RPA1: variants seen among roughly 807,000 people sequenced by gnomAD.
RPA1 encodes the protein replication protein A 70 kDa DNA-binding subunit.
A neutral mutation model predicts 83.0 loss-of-function variants in RPA1; 49 were observed. That is an observed-to-expected ratio of 0.59 (90% CI 0.47 to 0.75). The LOEUF is 0.75. RPA1 is among the 30% of genes least tolerant of loss of function. The pLI, the probability that RPA1 is intolerant of heterozygous loss-of-function variation, is 0.00. For synonymous variants in RPA1, 279 were observed against 281.8 expected (o/e 0.99, Z 0.10); for missense variants, 693 against 776.1 (o/e 0.89, Z 1.27).
chr17:1,863,883 T>A (rs889825209), intron 5 of RPA1, among the ~76,000 whole-genome samples: 1 of 152,212 alleles, frequency 6.6e-6, no homozygotes, highest in African/African-American at 2.4e-5. Flanking sequence ...CAATCATGAA[T>A]ATTTGGAAAA....
Position 1,833,370 on chromosome 17 carries a change from G to A in RPA1, c.33+3244G>A, listed in dbSNP as rs529206471. Among the ~76,000 whole-genome samples, 4 of 152,346 alleles carry A rather than the reference G, an allele frequency of 2.6e-5. No homozygotes were observed. The South Asian group carries it at 6.2e-4, about 24-fold the overall frequency. ...GTTGCATGAATGAATGAGGCAGTGG[G>A]AAGAAAGGGACAGGTGAATGGGGAA... On this transcript the variant is annotated intron_variant, in intron 1 of 16. Coordinates refer to ENST00000254719, the MANE Select transcript of RPA1 (RefSeq NM_002945.5).
intron 5 of RPA1, among the ~76,000 whole-genome samples, chr17:1,868,696 G>T (rs1011434402): frequency 6.6e-6 from 1 of 152,014 alleles, no homozygotes; most frequent in African/African-American, 2.4e-5. Context: ...TTGAGATCGC[G>T]CCACTGCCCT....
intron 5 of RPA1, among the ~76,000 whole-genome samples, chr17:1,853,957 C>G (rs1912595157): frequency 6.6e-6 from 1 of 152,132 alleles, no homozygotes; most frequent in Non-Finnish European, 1.5e-5. Context: ...CATGTTTGTT[C>G]TAGTGCCTAA....
intron 1 of RPA1, 96 bp downstream of exon 1, chr17:1,830,222 G>T (rs1265856845): frequency 3.6e-5 from 36 of 1,007,610 alleles, no homozygotes; most frequent in Non-Finnish European, 4.3e-5. Flanking sequence ...GGGCGACGGG[G>T]GATGAACGCG....
intron 5 of RPA1, among the ~76,000 whole-genome samples, chr17:1,861,579 A>G (rs772627741): frequency 3.3e-5 from 5 of 152,244 alleles, no homozygotes; most frequent in Admixed American, 1.3e-4. Context: ...GTCTAGAGAC[A>G]GTCTGTTTCA....
chr17:1,890,617 C>T (rs898053365), intron 14 of RPA1, among the ~76,000 whole-genome samples: 3 of 152,188 alleles, frequency 2.0e-5, no homozygotes, highest in South Asian at 2.1e-4. Context: ...GAGCCACGAT[C>T]GCGCCACTGC....
intron 5 of RPA1, chr17:1,857,989 T>C (rs879339811): frequency 1.3e-6 from 2 of 1,594,218 alleles, no homozygotes. Context: ...AACAGAAAGA[T>C]GGGTGAATGT....
At chr17:1,856,263 A>T (rs1311278982) in intron 5 of RPA1, among the ~76,000 whole-genome samples, 1 of 151,808 alleles carries the variant, frequency 6.6e-6, no homozygotes. Flanking sequence ...AGATGGCACC[A>T]GTGCACTCTA....
At chr17:1,864,112 A>G (rs1243046545) in intron 5 of RPA1, among the ~76,000 whole-genome samples, 2 of 152,246 alleles carry the variant, frequency 1.3e-5, no homozygotes, top group Non-Finnish European at 2.9e-5. Flanking sequence ...ATGATTTCTC[A>G]GTAGGAAGCT....
chr17:1,859,333 T>C (rs1248738236), intron 5 of RPA1, among the ~76,000 whole-genome samples: 2 of 152,222 alleles, frequency 1.3e-5, no homozygotes, highest in African/African-American at 2.4e-5. Flanking sequence ...AATTGTGTTA[T>C]TCAGTTTTTC....
At chr17:1,831,491 C>T (rs568219904) in intron 1 of RPA1, among the ~76,000 whole-genome samples, 1 of 152,220 alleles carries the variant, frequency 6.6e-6, no homozygotes, top group East Asian at 1.9e-4. Flanking sequence ...CCACCATTCC[C>T]ATCCACAGCA....
intron 16 of RPA1, among the ~76,000 whole-genome samples, chr17:1,895,659 G>GTATTTATTTATTTATTTATT (rs1555596983): frequency 7.1e-6 from 1 of 141,752 alleles, no homozygotes; most frequent in Non-Finnish European, 1.5e-5. Flanking sequence ...ATACCATATA[G>GTATTTATTTATTTATTTATT]TATTTATTTA....
chr17:1,879,754 T>C, intron 11 of RPA1, 55 bp downstream of exon 11: 1 of 1,607,150 alleles, frequency 6.2e-7, no homozygotes. Flanking sequence ...GGTTGGGGCG[T>C]GGTCTTGTCC....
intron 7 of RPA1, 125 bp downstream of exon 7, chr17:1,875,918 T>TAAA: frequency 1.0e-6 from 1 of 962,016 alleles, no homozygotes. Context: ...AGAATGGGTT[T>TAAA]ACTCTTTTTT....
Position 1,879,673 on chromosome 17 carries a change from G to C in RPA1, c.1066G>C (p.Val356Leu). The change falls in exon 11 of 17, where the codon GTG becomes CTG. Residue 356 changes from valine to leucine, a missense_variant. Transcript: ENST00000254719. ...CTTGATGGACACATCCGGGAAGGTG[G>C]TGACTGCTACACTGTGGGGGGAAGA... ...IYLMDTSGKVVTATLWGEDAD... is the reference protein window; with the variant it reads ...IYLMDTSGKVLTATLWGEDAD... 2 of 1,614,238 alleles carry C rather than the reference G, an allele frequency of 1.2e-6. No individual in the cohort carries two copies. The highest frequency in any genetic ancestry group is 4.5e-5 in the East Asian group (2 of 44,896).
Position 1,876,297 on chromosome 17 carries a change from G to A in RPA1, c.587+504G>A, listed in dbSNP as rs1397778427. 2.6e-5 allele frequency among the ~76,000 whole-genome samples: 4 copies of A among 152,170 alleles called. 1 individual carries two copies. The highest frequency in any genetic ancestry group is 4.1e-4 in the South Asian group (2 of 4,826). ...AAGCCGGGCGCGGTGGCTCATGCCCGTAATCCCCGCACTTTAGGAGGCTGA... is the reference window on the plus strand; with the variant it reads ...AAGCCGGGCGCGGTGGCTCATGCCCATAATCCCCGCACTTTAGGAGGCTGA... On this transcript the variant is annotated intron_variant, in intron 7 of 16. Coordinates refer to ENST00000254719, the MANE Select transcript of RPA1 (RefSeq NM_002945.5).
intron 4 of RPA1, among the ~76,000 whole-genome samples, chr17:1,849,867 G>T (rs1379464218): frequency 6.6e-6 from 1 of 152,012 alleles, no homozygotes; most frequent in Non-Finnish European, 1.5e-5. Context: ...CATATTTAAT[G>T]AACTATTTTA....
chr17:1,888,539 C>T, intron 13 of RPA1, 136 bp from the exon 14 acceptor site: 1 of 777,792 alleles, frequency 1.3e-6, no homozygotes, highest in Non-Finnish European at 2.0e-6. Flanking sequence ...ATGAATGATT[C>T]CCTGTGATCA....
At chr17:1,869,794 C>G (rs1313928665) in intron 5 of RPA1, among the ~76,000 whole-genome samples, 1 of 152,132 alleles carries the variant, frequency 6.6e-6, no homozygotes, top group East Asian at 1.9e-4. Context: ...CCTTGCCATT[C>G]ACAACATGCA....
Sources: allele counts gnomAD v4.1 joint callset (sites outside exome capture counted in the v4.1 genomes callset), GRCh38; gene constraint gnomAD v4.1.1; transcripts MANE v1.5; gene names NCBI Gene and HGNC (gene_info 2026-07-23, HGNC 2026-07-21).